STK32B: variants seen among roughly 807,000 people sequenced by gnomAD.
STK32B encodes the protein serine/threonine kinase 32B.
Under a neutral mutation model 52.6 loss-of-function variants are expected in STK32B, and 43 were observed. That is an observed-to-expected ratio of 0.82 (90% CI 0.64 to 1.05). The LOEUF (loss-of-function observed/expected upper bound fraction) is 1.05, where lower values mean the gene tolerates loss of function less well. Among genes scored for constraint, STK32B ranks in the 50% least tolerant of loss-of-function variants. The pLI is 0.00. For missense variants in STK32B, 621 were observed against 534.6 expected (o/e 1.16, Z -1.59); for synonymous variants, 238 against 204.3 (o/e 1.17, Z -1.41).
At chr4:5,301,888 C>G (rs1259145805) in intron 3 of STK32B, among the ~76,000 whole-genome samples, 2 of 150,772 alleles carry the variant, frequency 1.3e-5, no homozygotes, top group African/African-American at 4.9e-5. Context: ...TAAGATCTCT[C>G]TTCCCTTTAA....
At chr4:5,330,748 T>TG (rs1477433235) in intron 3 of STK32B, among the ~76,000 whole-genome samples, 2 of 152,198 alleles carry the variant, frequency 1.3e-5, no homozygotes, top group Non-Finnish European at 1.5e-5. Flanking sequence ...TAGACTTGGA[T>TG]GTCCCATAAC....
At chr4:5,438,652 G>A (rs557262981) in intron 6 of STK32B, among the ~76,000 whole-genome samples, 1 of 152,142 alleles carries the variant, frequency 6.6e-6, no homozygotes, top group East Asian at 1.9e-4. Flanking sequence ...TGCACATTGT[G>A]CAGGTTAGTT....
At chr4:5,368,309 T>TGAGAGCACTCAGGTACAGAG in intron 4 of STK32B, among the ~76,000 whole-genome samples, 2 of 128,282 alleles carry the variant, frequency 1.6e-5, no homozygotes, top group African/African-American at 5.6e-5. Flanking sequence ...TAATTATAAA[T>TGAGAGCACTCAGGTACAGAG]AATAAGGGCT....
intron 4 of STK32B, among the ~76,000 whole-genome samples, chr4:5,373,147 G>T (rs1296440805): frequency 6.6e-6 from 1 of 152,140 alleles, no homozygotes; most frequent in Non-Finnish European, 1.5e-5. Flanking sequence ...AGTAAGGAAA[G>T]GATGCTCTGG....
In STK32B at chr4:5,152,473, C is replaced by A. The variant is rs78349885; in HGVS notation, c.108+12513C>A. ...GCAAACTGTTTATTTGAAGATGATCCCAGGAAATATTTGTGAGACAGGAGG... is the reference window on the plus strand; with the variant it reads ...GCAAACTGTTTATTTGAAGATGATCACAGGAAATATTTGTGAGACAGGAGG... On this transcript the variant is annotated intron_variant, in intron 2 of 11. Coordinates refer to ENST00000282908, the MANE Select transcript of STK32B (RefSeq NM_018401.3). 1.5e-3 allele frequency among the ~76,000 whole-genome samples: 234 copies of A among 152,244 alleles called. 4 individuals carry two copies. In the East Asian group the frequency reaches 0.036, roughly 24 times the overall value.
rs1560186356 is a variant in STK32B, at chr4:5,159,696, AATATATATGAATAT to A, written c.109-8596_109-8583del. Among the ~76,000 whole-genome samples, 5 of 101,350 alleles carry A rather than the reference AATATATATGAATAT, an allele frequency of 4.9e-5. 1 individual carries two copies. The highest frequency in any genetic ancestry group is 2.8e-4 in the South Asian group (1 of 3,634). The allele number at this position is 101,350 out of a possible 152,430, so 66.5% of individuals were successfully genotyped here. On this transcript the variant is annotated intron_variant, in intron 2 of 11. Coordinates refer to ENST00000282908, the MANE Select transcript of STK32B (RefSeq NM_018401.3). ...ATGAATATATATATGAATATATATG[AATATATATGAATAT>A]ATATATGAATGTATATGAATATATA...
At chr4:5,039,704 C>T in the STK32B span, among the ~76,000 whole-genome samples, 1 of 152,172 alleles carries the variant, frequency 6.6e-6, no homozygotes, top group Non-Finnish European at 1.5e-5. Context: ...CTATGATTGA[C>T]AGTGCAAGGA....
intron 3 of STK32B, among the ~76,000 whole-genome samples, chr4:5,178,548 A>G (rs1033847574): frequency 6.6e-6 from 1 of 152,140 alleles, no homozygotes; most frequent in African/African-American, 2.4e-5. Flanking sequence ...TTCCCCGAAA[A>G]TGGGTTTTTC....
intron 1 of STK32B, among the ~76,000 whole-genome samples, chr4:5,101,447 T>C (rs946999255): frequency 2.0e-5 from 3 of 152,152 alleles, no homozygotes; most frequent in Admixed American, 2.0e-4. Context: ...TGTCAATGCC[T>C]GAAGAAAAGG....
At chr4:5,291,032 G>A (rs1728863966) in intron 3 of STK32B, among the ~76,000 whole-genome samples, 1 of 151,980 alleles carries the variant, frequency 6.6e-6, no homozygotes, top group Non-Finnish European at 1.5e-5. Flanking sequence ...ACTCAATTTT[G>A]TTCTACTGAT....
the STK32B span, among the ~76,000 whole-genome samples, chr4:5,021,361 C>T: frequency 3.9e-5 from 6 of 152,186 alleles, no homozygotes; most frequent in African/African-American, 7.2e-5. Context: ...CCGCGGCCTT[C>T]GGGCAGAACT....
rs576141209 is a variant in STK32B at position 5,100,740 on chromosome 4, TTCCTCCC to T, written c.53-39154_53-39148del. Among the ~76,000 whole-genome samples, 421 of 97,698 alleles carry T rather than the reference TTCCTCCC, an allele frequency of 4.3e-3. 2 individuals carry two copies. Among genetic ancestry groups the T allele is most frequent in the South Asian group, 0.016 (33 of 2,072 alleles). 64.1% of individuals were successfully genotyped at this position (97,698 alleles called of 152,430 possible). On this transcript the variant is annotated intron_variant, in intron 1 of 11. Coordinates refer to ENST00000282908, the MANE Select transcript of STK32B (RefSeq NM_018401.3). Reference sequence around the variant, plus strand: ...TTCCCTCCTTCCCTTCTTCCTTCTCTTCCTCCCTCCTCCCTCCCTCCTCCCTCCCTCC... The same window carrying T: ...TTCCCTCCTTCCCTTCTTCCTTCTCTTCCTCCCTCCCTCCTCCCTCCCTCC...
chr4:5,408,473 C>T (rs1465410964), intron 5 of STK32B, among the ~76,000 whole-genome samples: 4 of 152,108 alleles, frequency 2.6e-5, no homozygotes, highest in Non-Finnish European at 5.9e-5. Context: ...AAGGAGGTGC[C>T]ACTATGCCTG....
rs1214586847 is a variant in STK32B, at chr4:5,446,563, A to C, written c.563-110A>C. The C allele has an allele frequency of 2.0e-6, 2 of 1,005,230 alleles. 1 individual carries two copies. The highest frequency in any genetic ancestry group is 2.9e-6 in the Non-Finnish European group (2 of 683,924). The allele number at this position is 1,005,230 out of a possible 1,614,324, so 62.3% of individuals were successfully genotyped here. On this transcript the variant is annotated intron_variant, in intron 6 of 11. Coordinates refer to ENST00000282908, the MANE Select transcript of STK32B (RefSeq NM_018401.3). ...CAGAGCAAAACTCTATCTCAAAAAA[A>C]AACAAAAAAAAAAAAAACAAGCTCA...
At chr4:5,159,554 TATATATGAATGA>T (rs1328176119) in intron 2 of STK32B, among the ~76,000 whole-genome samples, 1 of 91,542 alleles carries the variant, frequency 1.1e-5, no homozygotes, top group Admixed American at 1.2e-4. Context: ...TATATATGAA[TATATATGAATGA>T]ATATATATGA....
intron 3 of STK32B, among the ~76,000 whole-genome samples, chr4:5,182,735 A>G (rs530755804): frequency 1.6e-4 from 25 of 152,282 alleles, no homozygotes; most frequent in African/African-American, 4.8e-4. Context: ...CTGGGATTAC[A>G]GATGTGAGCC....
At chr4:5,321,874 C>T (rs73091670) in intron 3 of STK32B, among the ~76,000 whole-genome samples, 2,018 of 152,048 alleles carry the variant, frequency 0.013, 46 homozygotes, top group African/African-American at 0.046. Context: ...CCTTGGTCTA[C>T]GGGAGGCCAT....
chr4:5,442,981 G>T lies in STK32B; in HGVS notation c.563-3692G>T, dbSNP rs544511998. ...GTGTCTGCCGAGAGATCCGCTGTTA[G>T]TCTGATGGGCTTCCCTTTGAGGGTA... On this transcript the variant is annotated intron_variant, in intron 6 of 11. Coordinates refer to ENST00000282908, the MANE Select transcript of STK32B (RefSeq NM_018401.3). 4.0e-5 allele frequency among the ~76,000 whole-genome samples: 6 copies of T among 151,752 alleles called. No homozygotes were observed. In the East Asian group the frequency reaches 5.8e-4, roughly 15 times the overall value.
At chr4:5,235,633 A>G (rs985250884) in intron 3 of STK32B, among the ~76,000 whole-genome samples, 1 of 151,876 alleles carries the variant, frequency 6.6e-6, no homozygotes, top group Admixed American at 6.5e-5. Flanking sequence ...TAATAAATCC[A>G]AGTTACACCA....
Sources: allele counts gnomAD v4.1 joint callset (sites outside exome capture counted in the v4.1 genomes callset), GRCh38; gene constraint gnomAD v4.1.1; transcripts MANE v1.5; gene names NCBI Gene and HGNC (gene_info 2026-07-23, HGNC 2026-07-21).